Variants in CFAP251 observed in about 807,000 individuals in gnomAD.
CFAP251 encodes cilia and flagella associated protein 251.
A neutral mutation model predicts 126.7 loss-of-function variants in CFAP251; 93 were observed. The ratio of observed to expected loss-of-function variants is 0.73; its 90% CI spans 0.62 to 0.87. The LOEUF is 0.87. Ranked by LOEUF, CFAP251 falls within the 40% of genes least tolerant of loss-of-function variation. CFAP251 has a pLI of 0.00. For synonymous variants in CFAP251, 503 were observed against 506.9 expected (o/e 0.99, Z 0.10); for missense variants, 1,287 against 1,389.2 (o/e 0.93, Z 1.17).
At chr12:121,965,479 G>A (rs536970914) in intron 15 of CFAP251, among the ~76,000 whole-genome samples, 1 of 152,158 alleles carries the variant, frequency 6.6e-6, no homozygotes, top group Admixed American at 6.5e-5. Context: ...CGGATGTCTT[G>A]TTTGAAAATA....
chr12:121,979,563 CTT>C (rs71082922), intron 19 of CFAP251, among the ~76,000 whole-genome samples: 15 of 84,998 alleles, frequency 1.8e-4, no homozygotes, highest in East Asian at 4.3e-4. Flanking sequence ...CTTTCTTCTT[CTT>C]TTTTTTTTTT....
intron 3 of CFAP251, 83 bp downstream of exon 3, chr12:121,924,073 A>G: frequency 7.0e-7 from 1 of 1,428,330 alleles, no homozygotes; most frequent in Non-Finnish European, 9.4e-7. Context: ...TGGGGGAAAA[A>G]GAATACCACC....
chr12:121,970,155 C>T lies in CFAP251; in HGVS notation c.2771+1986C>T, dbSNP rs1247903357. Among the ~76,000 whole-genome samples the T allele has an allele frequency of 2.6e-5, 4 of 152,202 alleles. No homozygotes were observed. The South Asian group carries it at 8.3e-4, about 31-fold the overall frequency. On this transcript the variant is annotated intron_variant, in intron 17 of 21. Coordinates refer to ENST00000288912, the MANE Select transcript of CFAP251 (RefSeq NM_144668.6). ...TGCACCCCTTGGCCCCAACTGCTAC[C>T]ATCACAGTCTATGGCGCTTCTGCCC... is the stretch of plus-strand genomic sequence containing the variant.
chr12:121,926,781 T>C (rs1880435606), intron 3 of CFAP251, among the ~76,000 whole-genome samples: 1 of 151,832 alleles, frequency 6.6e-6, no homozygotes, highest in Non-Finnish European at 1.5e-5. Context: ...CCCTCTCCAC[T>C]AAAAATACAA....
At chr12:121,950,122 A>G (rs1449045026) in intron 8 of CFAP251, 1 of 152,246 alleles carries the variant, frequency 6.6e-6, no homozygotes, top group Non-Finnish European at 1.5e-5. Flanking sequence ...AATGTGGTCT[A>G]TCCATACAAT....
intron 20 of CFAP251, 43 bp from the exon 21 acceptor site, chr12:122,001,454 C>T: frequency 2.0e-6 from 3 of 1,481,486 alleles, no homozygotes; most frequent in Non-Finnish European, 2.8e-6. Context: ...GTATGCTTAG[C>T]CTCAAGAGTT....
intron 20 of CFAP251, among the ~76,000 whole-genome samples, chr12:122,000,558 A>G (rs573219639): frequency 6.6e-4 from 101 of 151,998 alleles, no homozygotes; most frequent in African/African-American, 2.2e-3. Flanking sequence ...AAAAAAAAAA[A>G]AAAGAAAGAA....
At chr12:122,001,286 C>A (rs1052591066) in intron 20 of CFAP251, among the ~76,000 whole-genome samples, 4 of 151,904 alleles carry the variant, frequency 2.6e-5, no homozygotes, top group African/African-American at 9.7e-5. Context: ...GAACTCCTGA[C>A]CTCAAGTGAT....
intron 19 of CFAP251, among the ~76,000 whole-genome samples, chr12:121,994,170 C>T (rs868699443): frequency 0.01 from 859 of 83,490 alleles, 17 homozygotes; most frequent in African/African-American, 0.042. Flanking sequence ...GTCAGCCCCC[C>T]CGCCCGGCCA....
chr12:121,951,274 T>G, intron 8 of CFAP251: 1 of 425,472 alleles, frequency 2.4e-6, no homozygotes, highest in Non-Finnish European at 4.2e-6. Context: ...GTCATAATCA[T>G]TTGTGGCATT....
chr12:121,942,925 G>A lies in CFAP251; in HGVS notation c.1141G>A (p.Val381Met). 1 of 1,614,198 alleles carries A rather than the reference G, an allele frequency of 6.2e-7. No homozygotes were observed. Among genetic ancestry groups the A allele is most frequent in the Non-Finnish European group, 8.5e-7 (1 of 1,180,036 alleles). Residue 381 changes from valine (V) to methionine (M), a missense_variant, in exon 7 of 22, where the codon GTG (valine) becomes ATG (methionine). Physicochemically the swap from Val to Met is conservative, Grantham distance 21. Coordinates refer to ENST00000288912, the MANE Select transcript of CFAP251 (RefSeq NM_144668.6). ...ATGCATCTGGAAGTGGACTTTGGCA[G>A]TGGAAACGCCAGCATGCACTCTCGA... ...KVCIWKWTLA[V>M]ETPACTLELP...
rs1310691370 is a variant in CFAP251 at position 121,949,061 on chromosome 12, G to T, written c.1269G>T (p.Trp423Cys). The T allele has an allele frequency of 1.3e-6, 2 of 1,563,900 alleles. No individual in the cohort carries two copies. Among genetic ancestry groups the T allele is most frequent in the Non-Finnish European group, 8.7e-7 (1 of 1,152,738 alleles). The stretch of plus-strand genomic sequence containing the variant: ...AAACACGGGCAATATATTATGCATG[G>T]GTAAGCAGAAATATTTTGATTTGTT... ...NSKTRAIYYA[W>C]YEERDTLAHS... Residue 423 changes from tryptophan (W) to cysteine (C), a missense_variant and splice_region_variant, in exon 8 of 22, where the codon TGG becomes TGT. Physicochemically the swap from Trp to Cys is radical, Grantham distance 215. Coordinates refer to ENST00000288912, the MANE Select transcript of CFAP251 (RefSeq NM_144668.6).
chr12:121,929,157 C>T (rs1880574312), intron 3 of CFAP251, among the ~76,000 whole-genome samples: 1 of 151,708 alleles, frequency 6.6e-6, no homozygotes, highest in Admixed American at 6.6e-5. Context: ...CCTGTCTCTA[C>T]TAAAAATACA....
chr12:121,944,415 C>CA (rs1156892849), intron 7 of CFAP251, among the ~76,000 whole-genome samples: 1 of 152,180 alleles, frequency 6.6e-6, no homozygotes, highest in African/African-American at 2.4e-5. Context: ...TCTATTGCTG[C>CA]AAAAAACACC....
At position 122,003,774 on chromosome 12, in the gene CFAP251, G is replaced by T. The variant is rs1173687336; in HGVS notation, c.*10G>T. 3 of 1,595,550 alleles carry T rather than the reference G, an allele frequency of 1.9e-6. No homozygotes were observed. In the African/African-American group the frequency reaches 4.1e-5, roughly 22 times the overall value. On this transcript the variant is annotated 3_prime_UTR_variant, in exon 22 of 22. Coordinates refer to ENST00000288912, the MANE Select transcript of CFAP251 (RefSeq NM_144668.6). ...CCAGGATGGTCAGTGAAGTTACCAG[G>T]AATGTTTAAAGCACAAAGGACTTTG...
rs200896158 is a variant in CFAP251, at chr12:121,977,937, T to C, written c.3006+2252T>C. Among the ~76,000 whole-genome samples the C allele has an allele frequency of 1.5e-3, 224 of 146,632 alleles. 2 individuals carry two copies. Among genetic ancestry groups the C allele is most frequent in the Admixed American group, 4.0e-3 (59 of 14,682 alleles). On this transcript the variant is annotated intron_variant, in intron 19 of 21. Transcript: ENST00000288912. ...TTGCGCCACTGCACTCCAGCCTGGG[T>C]GACAGAGCGAGACTCCATCTCAGAA...
At chr12:121,948,955 T>C in intron 7 of CFAP251, 29 bp from the exon 8 acceptor site, 1 of 1,318,162 alleles carries the variant, frequency 7.6e-7, no homozygotes, top group South Asian at 1.4e-5. Context: ...AAATTTATCA[T>C]TAATGTATTT....
rs2135753153 is a variant in CFAP251 at position 121,931,734 on chromosome 12, CTT to C, written c.748-11_748-10del. The stretch of plus-strand genomic sequence containing the variant: ...GCTGTAATGTCTTGCTGGCTTTGCC[CTT>C]GTCTTCCAGACCATGACCTGGTCGT... On this transcript the variant is annotated splice_polypyrimidine_tract_variant and intron_variant, in intron 3 of 21. Coordinates refer to ENST00000288912, the MANE Select transcript of CFAP251 (RefSeq NM_144668.6). 1.3e-6 allele frequency: 2 copies of C among 1,546,084 alleles called. No homozygotes were observed. Among genetic ancestry groups the C allele is most frequent in the East Asian group, 4.8e-5 (2 of 42,014 alleles).
intron 19 of CFAP251, among the ~76,000 whole-genome samples, chr12:121,985,451 T>C (rs1298571929): frequency 1.3e-5 from 2 of 150,692 alleles, no homozygotes; most frequent in Non-Finnish European, 2.9e-5. Flanking sequence ...GGAGAATCGC[T>C]TGAACCCAGG....
Sources: allele counts gnomAD v4.1 joint callset (sites outside exome capture counted in the v4.1 genomes callset), GRCh38; gene constraint gnomAD v4.1.1; transcripts MANE v1.5; gene names NCBI Gene and HGNC (gene_info 2026-07-23, HGNC 2026-07-21).